The following SORBS2 variants were observed in gnomAD, a reference collection of about 807,000 sequenced individuals.
SORBS2 encodes the protein sorbin and SH3 domain containing 2.
SORBS2 carries 46 observed loss-of-function variants against 97.7 expected under a neutral mutation model. The observed-to-expected ratio is 0.47, with a 90% CI of 0.37 to 0.60. SORBS2 has a LOEUF of 0.60. Among genes scored for constraint, SORBS2 ranks in the 20% least tolerant of loss-of-function variants. The pLI is 0.00. For missense variants in SORBS2, 1,316 were observed against 1,282.3 expected (o/e 1.03, Z -0.40); for synonymous variants, 476 against 473.4 (o/e 1.01, Z -0.07).
intron 2 of SORBS2, among the ~76,000 whole-genome samples, chr4:185,683,954 C>T (rs187643221): frequency 6.6e-6 from 1 of 152,136 alleles, no homozygotes; most frequent in African/African-American, 2.4e-5. Context: ...GCTGTAAGAC[C>T]CATTAATCTT....
At chr4:185,716,587 T>C (rs2098466823) in intron 2 of SORBS2, among the ~76,000 whole-genome samples, 1 of 148,334 alleles carries the variant, frequency 6.7e-6, no homozygotes, top group Non-Finnish European at 1.5e-5. Context: ...GGTTTTCTCT[T>C]GTATAAATGA....
At position 185,710,751 on chromosome 4, in the gene SORBS2, G is replaced by A. The variant is rs1490622830; in HGVS notation, c.-197-31929C>T. Among the ~76,000 whole-genome samples the A allele has an allele frequency of 2.0e-5, 3 of 152,286 alleles. No homozygotes were observed. In the East Asian group the frequency reaches 5.8e-4, roughly 29 times the overall value. On this transcript the variant is annotated intron_variant, in intron 2 of 20. Coordinates refer to the SORBS2 transcript ENST00000284776. Reference sequence around the variant, plus strand: ...ATTCGTCGTGGCTGCTGATGGTAACGGTGGGCACTGGCCAGCCTGTTGCTC... The same window carrying A: ...ATTCGTCGTGGCTGCTGATGGTAACAGTGGGCACTGGCCAGCCTGTTGCTC...
intron 1 of SORBS2, chr4:185,810,633 A>G (rs769963399): frequency 9.9e-5 from 15 of 152,238 alleles, no homozygotes; most frequent in Admixed American, 3.9e-4. Context: ...TTGCTGAACC[A>G]GAATCTAATC....
intron 2 of SORBS2, among the ~76,000 whole-genome samples, chr4:185,685,870 T>C (rs139292540): frequency 1.3e-5 from 2 of 152,352 alleles, no homozygotes; most frequent in African/African-American, 4.8e-5. Context: ...TCTTTAAACT[T>C]ATGCAAGTCA....
At chr4:185,792,829 G>A (rs1338360470) in intron 1 of SORBS2, among the ~76,000 whole-genome samples, 1 of 152,124 alleles carries the variant, frequency 6.6e-6, no homozygotes, top group African/African-American at 2.4e-5. Context: ...CCCACAAATG[G>A]GCAGTCTAGA....
At chr4:185,725,305 A>G (rs2098547955) in intron 2 of SORBS2, among the ~76,000 whole-genome samples, 1 of 152,182 alleles carries the variant, frequency 6.6e-6, no homozygotes, top group Non-Finnish European at 1.5e-5. Flanking sequence ...GAATTATTAC[A>G]CTGCTGTTGG....
intron 2 of SORBS2, among the ~76,000 whole-genome samples, chr4:185,730,628 G>C (rs1240322106): frequency 1.3e-5 from 2 of 152,234 alleles, no homozygotes; most frequent in African/African-American, 4.8e-5. Flanking sequence ...GGATGCTCAG[G>C]CACTCCTTGG....
chr4:185,643,048 C>T (rs190245231), intron 4 of SORBS2, among the ~76,000 whole-genome samples: 1 of 152,262 alleles, frequency 6.6e-6, no homozygotes, highest in African/African-American at 2.4e-5. Flanking sequence ...GGCCAGGCAT[C>T]GTCCCAGGTG....
chr4:185,646,428 T>G, intron 4 of SORBS2: 1 of 320,544 alleles, frequency 3.1e-6, no homozygotes, highest in Non-Finnish European at 5.5e-6. Context: ...TATATATATA[T>G]ATATAAATAC....
At chr4:185,917,778 G>A (rs1279746461) in intron 1 of SORBS2, among the ~76,000 whole-genome samples, 1 of 152,072 alleles carries the variant, frequency 6.6e-6, no homozygotes, top group Non-Finnish European at 1.5e-5. Context: ...GTACTGAACT[G>A]GGGGACACCC....
chr4:185,912,572 C>T (rs1421131738), intron 1 of SORBS2, among the ~76,000 whole-genome samples: 2 of 62,766 alleles, frequency 3.2e-5, no homozygotes, highest in African/African-American at 6.9e-5. Flanking sequence ...GCAACAAGAA[C>T]GAAACTCCAT....
intron 2 of SORBS2, among the ~76,000 whole-genome samples, chr4:185,734,760 G>GCT (rs1380188483): frequency 2.0e-5 from 3 of 152,134 alleles, no homozygotes; most frequent in East Asian, 3.9e-4. Flanking sequence ...CTCCCAAAAT[G>GCT]CTCTCTCTCT....
chr4:185,811,053 CGGAAAGGA>C (rs1191984375), intron 1 of SORBS2: 1 of 152,116 alleles, frequency 6.6e-6, no homozygotes, highest in Non-Finnish European at 1.5e-5. Flanking sequence ...TGCAGATACT[CGGAAAGGA>C]GGTGTGAACG....
intron 1 of SORBS2, among the ~76,000 whole-genome samples, chr4:185,822,149 T>C (rs963801936): frequency 1.3e-5 from 2 of 152,262 alleles, no homozygotes; most frequent in Non-Finnish European, 2.9e-5. Flanking sequence ...ATTAGTTGGC[T>C]ACAATATTCT....
chr4:185,760,920 A>G (rs913277252), intron 2 of SORBS2, among the ~76,000 whole-genome samples: 3 of 152,246 alleles, frequency 2.0e-5, no homozygotes, highest in Non-Finnish European at 2.9e-5. Context: ...GCAGAGCAGA[A>G]AACATTTCAT....
At chr4:185,621,885 G>A (rs777468893) in intron 7 of SORBS2, among the ~76,000 whole-genome samples, 17 of 152,106 alleles carry the variant, frequency 1.1e-4, no homozygotes, top group Admixed American at 2.6e-4. Context: ...AATTGAAAAT[G>A]GCTTTTGAAA....
chr4:185,747,209 C>T (rs1167747017), intron 2 of SORBS2, among the ~76,000 whole-genome samples: 1 of 152,188 alleles, frequency 6.6e-6, no homozygotes, highest in East Asian at 1.9e-4. Context: ...AGGAAGGCTT[C>T]AGAAGAAACC....
At chr4:185,927,400 A>G (rs1027428927) in intron 1 of SORBS2, among the ~76,000 whole-genome samples, 3 of 151,786 alleles carry the variant, frequency 2.0e-5, no homozygotes, top group Non-Finnish European at 4.4e-5. Context: ...TAAGCCCCAC[A>G]TGCATTAGGT....
At position 185,868,157 on chromosome 4, in the gene SORBS2, TTC is replaced by T. The variant is rs1226021692; in HGVS notation, c.-338+88037_-338+88038del. ...TTTCTCTTTTCTTTTCTTTTTTTCT[TTC>T]TTTTTTTTTTTTTTTGAGGCAGAGT... On this transcript the variant is annotated intron_variant, in intron 1 of 20. Coordinates refer to the SORBS2 transcript ENST00000284776. Among the ~76,000 whole-genome samples the T allele has an allele frequency of 9.7e-5, 10 of 102,868 alleles. 2 individuals are homozygous for T. Among genetic ancestry groups the T allele is most frequent in the African/African-American group, 3.3e-4 (8 of 24,004 alleles). 67.5% of individuals were successfully genotyped at this position (102,868 alleles called of 152,430 possible).
Sources: allele counts gnomAD v4.1 joint callset (sites outside exome capture counted in the v4.1 genomes callset), GRCh38; gene constraint gnomAD v4.1.1; transcripts MANE v1.5; gene names NCBI Gene and HGNC (gene_info 2026-07-23, HGNC 2026-07-21).